FMNL2: variants seen among roughly 807,000 people sequenced by gnomAD.
FMNL2 encodes formin-like protein 2.
A neutral mutation model predicts 130.2 loss-of-function variants in FMNL2; 51 were observed. The ratio of observed to expected loss-of-function variants is 0.39; its 90% CI spans 0.31 to 0.49. The LOEUF is 0.49. Among genes scored for constraint, FMNL2 ranks in the 20% least tolerant of loss-of-function variants. The pLI is 0.85. For missense variants in FMNL2, 977 were observed against 1,316.2 expected, an observed-to-expected ratio of 0.74 and a Z score of 3.99; for synonymous variants, 465 against 467.1, an observed-to-expected ratio of 1.00 and a Z score of 0.06.
chr2:152,537,365 C>A (rs542641614), intron 2 of FMNL2, among the ~76,000 whole-genome samples: 1 of 152,298 alleles, frequency 6.6e-6, no homozygotes, highest in Admixed American at 6.5e-5. Context: ...GGCAGCCTAA[C>A]GTTCCAGGCA....
intron 1 of FMNL2, among the ~76,000 whole-genome samples, chr2:152,341,264 A>C (rs1681787018): frequency 6.6e-6 from 1 of 152,154 alleles, no homozygotes; most frequent in Non-Finnish European, 1.5e-5. Flanking sequence ...TTATTCTCCA[A>C]AGTGGGAATA....
chr2:152,386,391 A>G lies in FMNL2; in HGVS notation c.117+50671A>G, dbSNP rs538851074. 2.6e-5 allele frequency among the ~76,000 whole-genome samples: 4 copies of G among 152,308 alleles called. No homozygotes were observed. In the East Asian group the frequency reaches 5.8e-4, roughly 22 times the overall value. On this transcript the variant is annotated intron_variant, in intron 1 of 25. Transcript: ENST00000288670. ...TTTAAAGGGAATTTCTGCTGTTGCCACTTGTCTTGTCATCTTCTCCCTGAG... is the reference window on the plus strand; with the variant it reads ...TTTAAAGGGAATTTCTGCTGTTGCCGCTTGTCTTGTCATCTTCTCCCTGAG...
chr2:152,354,903 C>T (rs1192422559), intron 1 of FMNL2, among the ~76,000 whole-genome samples: 1 of 152,110 alleles, frequency 6.6e-6, no homozygotes, highest in Non-Finnish European at 1.5e-5. Flanking sequence ...GCCCTATTTC[C>T]ATATCAAATA....
chr2:152,375,897 A>ATATATATATATATAT (rs1553871972), intron 1 of FMNL2, among the ~76,000 whole-genome samples: 3 of 119,904 alleles, frequency 2.5e-5, no homozygotes, highest in South Asian at 5.5e-4. Context: ...ATATATATAT[A>ATATATATATATATAT]ATTATTATTA....
chr2:152,555,164 A>C (rs753193333), intron 4 of FMNL2, among the ~76,000 whole-genome samples: 1 of 152,186 alleles, frequency 6.6e-6, no homozygotes, highest in Non-Finnish European at 1.5e-5. Context: ...GATTGAAAAC[A>C]ACTAATGTCC....
chr2:152,484,619 A>T (rs1457101474), intron 1 of FMNL2, among the ~76,000 whole-genome samples: 1 of 152,008 alleles, frequency 6.6e-6, no homozygotes, highest in African/African-American at 2.4e-5. Context: ...AAAACTTAAA[A>T]AATTAGCCGA....
chr2:152,590,400 C>G (rs1427997837), intron 9 of FMNL2, among the ~76,000 whole-genome samples: 1 of 151,964 alleles, frequency 6.6e-6, no homozygotes, highest in Non-Finnish European at 1.5e-5. Context: ...GGCGGATCAC[C>G]TGAGGTCAGT....
At chr2:152,619,294 A>G in intron 14 of FMNL2, 136 bp downstream of exon 14, 1 of 1,301,472 alleles carries the variant, frequency 7.7e-7, no homozygotes, top group South Asian at 1.6e-5. Context: ...GTAGTTCTTA[A>G]CTGTTTACAT....
rs978655352 is a variant in FMNL2 at position 152,643,288 on chromosome 2, C to G, written c.3169+2374C>G. 7 of 1,269,704 alleles carry G rather than the reference C, an allele frequency of 5.5e-6. No homozygotes were observed. In the Middle Eastern group the frequency reaches 5.6e-4, roughly 101 times the overall value. The allele number at this position is 1,269,704 out of a possible 1,614,324, so 78.7% of individuals were successfully genotyped here. ...TAACTTGAGTATATATTGCCTTCCC[C>G]CTTTCCTGCCCATCTTCCCCACCCC... On this transcript the variant is annotated intron_variant, in intron 25 of 25. Transcript: ENST00000288670.
At chr2:152,580,374 G>A (rs1024461657) in intron 8 of FMNL2, among the ~76,000 whole-genome samples, 3 of 152,158 alleles carry the variant, frequency 2.0e-5, no homozygotes, top group Non-Finnish European at 1.5e-5. Flanking sequence ...AAATATTCTT[G>A]TGTTAGTAAA....
At chr2:152,565,502 A>G (rs915184168) in intron 6 of FMNL2, among the ~76,000 whole-genome samples, 6 of 152,220 alleles carry the variant, frequency 3.9e-5, no homozygotes, top group Non-Finnish European at 1.5e-5. Flanking sequence ...ACAGAAACCA[A>G]GATTCACCCT....
At chr2:152,339,978 C>T (rs1166879787) in intron 1 of FMNL2, among the ~76,000 whole-genome samples, 2 of 151,862 alleles carry the variant, frequency 1.3e-5, no homozygotes, top group Non-Finnish European at 2.9e-5. Context: ...CCCAGGAATT[C>T]GAGACCAGCC....
intron 15 of FMNL2, among the ~76,000 whole-genome samples, chr2:152,622,717 G>C (rs987353081): frequency 5.9e-5 from 9 of 151,520 alleles, no homozygotes; most frequent in Non-Finnish European, 1.3e-4. Flanking sequence ...TTCCAGGTTT[G>C]CCCACACATT....
chr2:152,617,168 G>C lies in FMNL2; in HGVS notation c.1290G>C (p.Arg430Ser). 1.2e-6 allele frequency: 2 copies of C among 1,613,964 alleles called. No individual in the cohort carries two copies. Among genetic ancestry groups the C allele is most frequent in the African/African-American group, 1.3e-5 (1 of 75,056 alleles). Residue 430 changes from arginine to serine, a missense_variant, in exon 13 of 26, where the codon AGG becomes AGC. By Grantham distance (110) the Arg-to-Ser change is moderately radical. Around this residue, in one of 4 missense-constraint regions of FMNL2, gnomAD observed 689 missense variants for 995.9 expected, o/e 0.69. Coordinates refer to ENST00000288670, the MANE Select transcript of FMNL2 (RefSeq NM_052905.4). ...IVELEKQLMQ[R>S]NKELDVVREI... ...AACTGGAAAAGCAACTCATGCAGAG[G>C]AACAAGGAGCTGGATGTCGTTCGGG...
At chr2:152,569,455 A>T (rs1466490260) in intron 6 of FMNL2, among the ~76,000 whole-genome samples, 4 of 152,086 alleles carry the variant, frequency 2.6e-5, no homozygotes. Flanking sequence ...GTTGAGCATT[A>T]AGTAGGTGGC....
intron 1 of FMNL2, among the ~76,000 whole-genome samples, chr2:152,425,461 A>G (rs1390448786): frequency 6.6e-6 from 1 of 152,234 alleles, no homozygotes; most frequent in East Asian, 1.9e-4. Context: ...AAACTTGTTT[A>G]TTACATAATC....
rs1476442769 is a variant in FMNL2 at position 152,402,045 on chromosome 2, C to T, written c.117+66325C>T. Among the ~76,000 whole-genome samples the T allele has an allele frequency of 2.0e-5, 3 of 151,854 alleles. No individual in the cohort carries two copies. In the East Asian group the frequency reaches 5.8e-4, roughly 30 times the overall value. On this transcript the variant is annotated intron_variant, in intron 1 of 25. Transcript: ENST00000288670. ...GCCTCAGCCTCCTGAGTAGCTGGGA[C>T]TACAGGCACATGCCACCCAGCTAAT...
At chr2:152,380,650 T>C (rs568349025) in intron 1 of FMNL2, among the ~76,000 whole-genome samples, 1 of 152,330 alleles carries the variant, frequency 6.6e-6, no homozygotes, top group African/African-American at 2.4e-5. Context: ...TTACTCGCTG[T>C]ACCTACCCTT....
At chr2:152,631,888 C>T (rs1682194891) in intron 20 of FMNL2, 120 bp from the exon 21 acceptor site, 1 of 1,118,094 alleles carries the variant, frequency 8.9e-7, no homozygotes, top group African/African-American at 1.6e-5. Flanking sequence ...TGGGAATGCT[C>T]CAGCCTGTTG....
Sources: gnomAD v4.1 joint callset for allele counts (sites outside exome capture counted in the v4.1 genomes callset) on GRCh38, gnomAD v4.1.1 for gene constraint, gnomAD v4.1.1 regional missense constraint, MANE v1.5 for transcripts, NCBI Gene and HGNC (gene_info 2026-07-23, HGNC 2026-07-21) for gene names.